The following TULP2 variants were observed in gnomAD, a reference collection of about 807,000 sequenced individuals.
The protein encoded by TULP2 is TUB like protein 2.
TULP2 carries 64 observed loss-of-function variants against 60.3 expected under a neutral mutation model. The ratio of observed to expected loss-of-function variants is 1.06; its 90% CI spans 0.87 to 1.31. TULP2 has a LOEUF of 1.31. Among genes scored for constraint, TULP2 ranks in the 50% most tolerant of loss-of-function variants. The pLI is 0.00. For missense variants in TULP2, 652 were observed against 667.0 expected, an observed-to-expected ratio of 0.98 and a Z score of 0.25; for synonymous variants, 267 against 265.4, an observed-to-expected ratio of 1.01 and a Z score of -0.06.
In TULP2 at chr19:48,897,757, T is replaced by C; in HGVS notation, c.32+80A>G. 2.1e-6 allele frequency: 3 copies of C among 1,461,532 alleles called. No homozygotes were observed. Among genetic ancestry groups the C allele is most frequent in the Non-Finnish European group, 1.9e-6 (2 of 1,042,744 alleles). The allele number at this position is 1,461,532 out of a possible 1,614,324, so 90.5% of individuals were successfully genotyped here. On this transcript the variant is annotated intron_variant, in intron 2 of 12. Coordinates refer to ENST00000221399, the MANE Select transcript of TULP2 (RefSeq NM_003323.3). This position sits in a 1 kb window ranked among gnomAD's most constrained non-coding sequence, Gnocchi z 4.0. ...GCCGATGGTGCTGAACCTGCAAACA[T>C]GGTTATGAAGCCAGAGCCGAGTGCA...
At chr19:48,891,724 C>T (rs1197109622) in intron 6 of TULP2, among the ~76,000 whole-genome samples, 1 of 152,078 alleles carries the variant, frequency 6.6e-6, no homozygotes. Context: ...CCCAGGGGAC[C>T]AGTGCTCCGC....
intron 6 of TULP2, among the ~76,000 whole-genome samples, chr19:48,893,925 A>G (rs900618936): frequency 6.6e-6 from 1 of 152,316 alleles, no homozygotes; most frequent in East Asian, 1.9e-4. Flanking sequence ...GCAGAATTAT[A>G]TAAATATAGT....
At position 48,896,473 on chromosome 19, in the gene TULP2, A is replaced by G. The variant is rs750138495; in HGVS notation, c.168T>C (p.Leu56=). 1.2e-6 allele frequency: 2 copies of G among 1,611,586 alleles called. No homozygotes were observed. The highest frequency in any genetic ancestry group is 1.7e-6 in the Non-Finnish European group (2 of 1,179,124). ...GCTCCTCCCGCAGACAAGAGCGCCA[A>G]AGCCACGGGGAAGCGTCAGGATTGG... ...VQANPDASPW[L]WRSCLREERL... Residue 56 remains leucine, a synonymous_variant, in exon 4 of 13, where the codon CTT becomes CTC. Transcript: ENST00000221399.
chr19:48,887,058 T>TC, intron 8 of TULP2, among the ~76,000 whole-genome samples: 1 of 147,020 alleles, frequency 6.8e-6, no homozygotes, highest in East Asian at 2.0e-4. Flanking sequence ...TCACCCAGGC[T>TC]GGAGTGCAGT....
intron 8 of TULP2, among the ~76,000 whole-genome samples, chr19:48,886,331 T>C (rs976544693): frequency 5.3e-5 from 8 of 149,712 alleles, no homozygotes; most frequent in Non-Finnish European, 1.0e-4. Flanking sequence ...CTGGGAAATG[T>C]GGTTCTCACT....
chr19:48,887,343 T>TTTTTTTTTA (rs1568571174), intron 8 of TULP2, among the ~76,000 whole-genome samples: 2 of 88,762 alleles, frequency 2.3e-5, no homozygotes, highest in Non-Finnish European at 4.1e-5. Flanking sequence ...TTTTTTTTTT[T>TTTTTTTTTA]ATGCAGAGTC....
chr19:48,895,302 A>C (rs962603327), intron 5 of TULP2, 64 bp downstream of exon 5: 3 of 1,590,546 alleles, frequency 1.9e-6, no homozygotes, highest in Non-Finnish European at 2.6e-6. Context: ...TTGAGGCACC[A>C]GACTCCTGGG....
rs548072192 is a variant in TULP2 at position 48,898,004 on chromosome 19, G to A, written c.-1-135C>T. On this transcript the variant is annotated intron_variant, in intron 1 of 12. Transcript: ENST00000221399. Reference sequence around the variant, plus strand: ...ATGTATTTAGAGACAGCTGAGCCTCGCTCTGTCGCCCAGGCTGCAGTGCAG... The same window carrying A: ...ATGTATTTAGAGACAGCTGAGCCTCACTCTGTCGCCCAGGCTGCAGTGCAG... The A allele has an allele frequency of 1.7e-4, 112 of 656,732 alleles. No individual in the cohort carries two copies. In the African/African-American group the frequency reaches 1.9e-3, roughly 11 times the overall value. The allele number at this position is 656,732 out of a possible 1,614,324, so 40.7% of individuals were successfully genotyped here.
At chr19:48,894,976 A>G in intron 6 of TULP2, 22 bp downstream of exon 6, 2 of 1,598,042 alleles carry the variant, frequency 1.3e-6, no homozygotes, top group Non-Finnish European at 1.7e-6. Flanking sequence ...CCCAGGTTTC[A>G]CCCCAATGTC....
intron 6 of TULP2, among the ~76,000 whole-genome samples, chr19:48,893,432 C>T (rs1046962973): frequency 1.3e-5 from 2 of 151,356 alleles, no homozygotes; most frequent in African/African-American, 4.9e-5. Context: ...CATATGTATA[C>T]GATTCCATTT....
chr19:48,883,947 C>A lies in TULP2; in HGVS notation c.1161G>T (p.Leu387=). 1 of 1,614,108 alleles carries A rather than the reference C, an allele frequency of 6.2e-7. No individual in the cohort carries two copies. Among genetic ancestry groups the A allele is most frequent in the Non-Finnish European group, 8.5e-7 (1 of 1,180,020 alleles). Residue 387 remains leucine (L), a synonymous_variant, in exon 10 of 13, where the codon CTG becomes CTT. Coordinates refer to ENST00000221399, the MANE Select transcript of TULP2 (RefSeq NM_003323.3). The part of the protein sequence containing the change: ...TRNTARIRQE[L]GAVCYEPNVL... ...GGACACTCACATAACACACAGCCCCCAGCTCCTGTCTGATCCGGGCAGTAT... is the reference window on the plus strand; with the variant it reads ...GGACACTCACATAACACACAGCCCCAAGCTCCTGTCTGATCCGGGCAGTAT...
chr19:48,894,717 G>A (rs1391854336), intron 6 of TULP2, among the ~76,000 whole-genome samples: 2 of 152,106 alleles, frequency 1.3e-5, no homozygotes, highest in Non-Finnish European at 2.9e-5. Flanking sequence ...ATGACTTACA[G>A]TATATGGGGG....
chr19:48,882,655 G>A (rs2037145149), intron 11 of TULP2, among the ~76,000 whole-genome samples: 1 of 152,096 alleles, frequency 6.6e-6, no homozygotes, highest in Admixed American at 6.6e-5. Flanking sequence ...CAATTGGCTA[G>A]CAACTTAGAA....
rs747614879 is a variant in TULP2 at position 48,883,821 on chromosome 19, C to T, written c.1208G>A (p.Arg403Gln). 23 of 1,614,074 alleles carry T rather than the reference C, an allele frequency of 1.4e-5. No individual in the cohort carries two copies. Among genetic ancestry groups the T allele is most frequent in the East Asian group, 4.5e-5 (2 of 44,888 alleles). ...EPNVLGYLGPRKMTVILPGTN... is the reference protein window; with the variant it reads ...EPNVLGYLGPQKMTVILPGTN... The stretch of plus-strand genomic sequence containing the variant: ...TCCTGGGAGAATCACAGTCATTTTC[C>T]GAGGCCCCAGGTATCCTAAGACGTT... Residue 403 changes from arginine (R) to glutamine (Q), a missense_variant, in exon 11 of 13, where the codon CGG becomes CAG. Physicochemically the swap from Arg to Gln is conservative, Grantham distance 43. Transcript: ENST00000221399.
intron 6 of TULP2, among the ~76,000 whole-genome samples, chr19:48,891,939 T>C (rs978653670): frequency 5.9e-5 from 9 of 152,208 alleles, no homozygotes; most frequent in African/African-American, 2.2e-4. Context: ...ATAGGCTGGA[T>C]TTATGTTTAA....
chr19:48,888,558 G>A (rs2037204727), intron 7 of TULP2, among the ~76,000 whole-genome samples: 1 of 152,180 alleles, frequency 6.6e-6, no homozygotes, highest in Admixed American at 6.6e-5. Context: ...ATACAGCCCA[G>A]ATCTACCCTC....
intron 8 of TULP2, among the ~76,000 whole-genome samples, chr19:48,886,190 C>CA (rs752280988): frequency 6.6e-6 from 1 of 152,040 alleles, no homozygotes; most frequent in East Asian, 1.9e-4. Flanking sequence ...CCTGTAGTCC[C>CA]AGCTACTCAG....
At chr19:48,888,662 C>T (rs1373411645) in intron 7 of TULP2, among the ~76,000 whole-genome samples, 1 of 152,212 alleles carries the variant, frequency 6.6e-6, no homozygotes, top group East Asian at 1.9e-4. Context: ...CGCTCTGTCG[C>T]CCAGGCTGGA....
intron 8 of TULP2, 84 bp from the exon 9 acceptor site, chr19:48,885,644 G>T: frequency 4.7e-6 from 6 of 1,286,570 alleles, no homozygotes; most frequent in Non-Finnish European, 6.6e-6. Flanking sequence ...TGCACTTTGG[G>T]AGGCTGCGGC....
Sources: gnomAD v4.1 joint callset for allele counts (sites outside exome capture counted in the v4.1 genomes callset) on GRCh38, gnomAD v4.1.1 for gene constraint, Gnocchi (gnomAD v3.1) non-coding constraint, MANE v1.5 for transcripts, NCBI Gene and HGNC (gene_info 2026-07-23, HGNC 2026-07-21) for gene names.